GTSE1: variants seen among roughly 807,000 people sequenced by gnomAD.
The protein encoded by GTSE1 is G2 and S-phase expressed 1, also known as G2 and S phase-expressed protein 1.
A neutral mutation model predicts 60.5 loss-of-function variants in GTSE1; 52 were observed. The ratio of observed to expected loss-of-function variants is 0.86; its 90% CI spans 0.69 to 1.08. The LOEUF is 1.08. GTSE1 is among the 50% of genes least tolerant of loss of function. The pLI, the probability that GTSE1 is intolerant of heterozygous loss-of-function variation, is 0.00. For synonymous variants in GTSE1, 368 were observed against 386.5 expected, an observed-to-expected ratio of 0.95 and a Z score of 0.56; for missense variants, 937 against 961.8, an observed-to-expected ratio of 0.97 and a Z score of 0.34.
chr22:46,317,518 T>C lies in GTSE1; in HGVS notation c.1432+1106T>C, dbSNP rs560731847. ...GGGGTCTGTTTCGACTGACTAATTT[T>C]GTTTCCGGGTTTTGGCCTCATTTTC... On this transcript the variant is annotated intron_variant, in intron 7 of 11. Coordinates refer to ENST00000454366, the MANE Select transcript of GTSE1 (RefSeq NM_016426.7). The surrounding 1 kb of genome is among the most constrained non-coding windows in gnomAD (Gnocchi z 5.6). Among the ~76,000 whole-genome samples the C allele has an allele frequency of 3.3e-4, 51 of 152,346 alleles. No individual in the cohort carries two copies. The highest frequency in any genetic ancestry group is 1.1e-3 in the African/African-American group (47 of 41,570).
At chr22:46,307,136 G>GAC (rs568676151) in intron 2 of GTSE1, among the ~76,000 whole-genome samples, 45 of 152,344 alleles carry the variant, frequency 3.0e-4, no homozygotes, top group African/African-American at 1.0e-3. Context: ...GACCTGGGCA[G>GAC]ACAGGGCCAT....
At position 46,316,871 on chromosome 22, in the gene GTSE1, C is replaced by T. The variant is rs1179260812; in HGVS notation, c.1432+459C>T. Among the ~76,000 whole-genome samples the T allele has an allele frequency of 5.3e-5, 8 of 152,046 alleles. No homozygotes were observed. The highest frequency in any genetic ancestry group is 1.3e-4 in the Admixed American group (2 of 15,262). ...ATCACATCTATTTCAGGCCTCTTGA[C>T]GTTGTCTCACAGGACACCGAAGCTC... On this transcript the variant is annotated intron_variant, in intron 7 of 11. Coordinates refer to ENST00000454366, the MANE Select transcript of GTSE1 (RefSeq NM_016426.7). The surrounding 1 kb of genome is among the most constrained non-coding windows in gnomAD (Gnocchi z 5.0).
rs748886308 is a variant in GTSE1, at chr22:46,323,293, A to G, written c.1505+31A>G. 4 of 1,528,434 alleles carry G rather than the reference A, an allele frequency of 2.6e-6. No individual in the cohort carries two copies. In the East Asian group the frequency reaches 9.0e-5, roughly 34 times the overall value. The allele number at this position is 1,528,434 out of a possible 1,614,324, so 94.7% of individuals were successfully genotyped here. A position where few individuals can be genotyped will look rare whatever the true frequency, so the allele number is the denominator to read the frequency against. ...TGACGTTGGTCCGCTTCCTCTCTTT[A>G]TTGCTGTAGAATGACTCACGCATCT... On this transcript the variant is annotated intron_variant, in intron 8 of 11. Transcript: ENST00000454366.
Position 46,330,771 on chromosome 22 carries a change from T to A in GTSE1, c.*641T>A, listed in dbSNP as rs999430811. On this transcript the variant is annotated 3_prime_UTR_variant, in exon 12 of 12. Coordinates refer to ENST00000454366, the MANE Select transcript of GTSE1 (RefSeq NM_016426.7). The surrounding 1 kb of genome is among the most constrained non-coding windows in gnomAD (Gnocchi z 6.0). ...GTATAAATAGTTAGATATTCTAGAT[T>A]TACATTAAATTGTAAAATAAATGGA... is the stretch of plus-strand genomic sequence containing the variant. 1 of 152,400 alleles carries A rather than the reference T, an allele frequency of 6.6e-6. No homozygotes were observed. The highest frequency in any genetic ancestry group is 6.5e-5 in the Admixed American group (1 of 15,288). The allele number at this position is 152,400 out of a possible 1,614,324, so 9.4% of individuals were successfully genotyped here. A position where few individuals can be genotyped will look rare whatever the true frequency, so the allele number is the denominator to read the frequency against.
At position 46,312,815 on chromosome 22, in the gene GTSE1, T is replaced by C. The variant is rs547914020; in HGVS notation, c.927+510T>C. 5.9e-5 allele frequency among the ~76,000 whole-genome samples: 9 copies of C among 152,192 alleles called. No homozygotes were observed. In the South Asian group the frequency reaches 8.3e-4, roughly 14 times the overall value. Reference sequence around the variant, plus strand: ...CGGAGCCCCAGTTTGTAGGTGGGGATATTCCGTTTCCCTCATGTAGAGTTC... The same window carrying C: ...CGGAGCCCCAGTTTGTAGGTGGGGACATTCCGTTTCCCTCATGTAGAGTTC... On this transcript the variant is annotated intron_variant, in intron 5 of 11. Coordinates refer to ENST00000454366, the MANE Select transcript of GTSE1 (RefSeq NM_016426.7).
rs1399262902 is a variant in GTSE1 at position 46,321,660 on chromosome 22, A to G, written c.1433-1530A>G. On this transcript the variant is annotated intron_variant, in intron 7 of 11. Transcript: ENST00000454366. The surrounding 1 kb of genome is among the most constrained non-coding windows in gnomAD (Gnocchi z 4.0). The stretch of plus-strand genomic sequence containing the variant: ...AGAAATGAGTGAAGGGAGACATCGC[A>G]AGAAGCTTCCAGCACGCTGGAAGCA... Among the ~76,000 whole-genome samples, 1 of 152,220 alleles carries G rather than the reference A, an allele frequency of 6.6e-6. No individual in the cohort carries two copies. Among genetic ancestry groups the G allele is most frequent in the Non-Finnish European group, 1.5e-5 (1 of 68,042 alleles).
chr22:46,307,356 G>A (rs1473787267), intron 2 of GTSE1, among the ~76,000 whole-genome samples: 1 of 152,198 alleles, frequency 6.6e-6, no homozygotes, highest in Non-Finnish European at 1.5e-5. Flanking sequence ...GCTGAGGAAG[G>A]TGGTCTTTTG....
chr22:46,325,215 G>C (rs1471967460), intron 8 of GTSE1, among the ~76,000 whole-genome samples: 2 of 152,016 alleles, frequency 1.3e-5, no homozygotes, highest in African/African-American at 4.8e-5. Context: ...TATTTATTTT[G>C]AGATGGAGAC....
rs1394524746 is a variant in GTSE1, at chr22:46,308,514, C to T, written c.333C>T (p.His111=). The T allele has an allele frequency of 6.2e-7, 1 of 1,614,072 alleles. No homozygotes were observed. The highest frequency in any genetic ancestry group is 8.5e-7 in the Non-Finnish European group (1 of 1,180,026). Residue 111 remains histidine (H), a synonymous_variant, in exon 4 of 12, where the codon CAC becomes CAT. Transcript: ENST00000454366. ...AAGAAGCTCACTTACTGGCTTTACA[C>T]ATTGAGAGCAGCAGCCGGAACCAGG... ...VYKEAHLLAL[H]IESSSRNQAA...
Position 46,316,220 on chromosome 22 carries a change from C to A in GTSE1, c.1240C>A (p.Pro414Thr), listed in dbSNP as rs199850413. 4.8e-5 allele frequency: 77 copies of A among 1,613,652 alleles called. 2 individuals carry two copies. The South Asian group carries it at 6.7e-4, about 14-fold the overall frequency. ...GGCAGCGGAGCAGCTCACGGCACCC[C>A]CCTCAGCATCCCCCACCCAACCCCA... ...ELAAEQLTAP[P>T]SASPTQPQTP... The change falls in exon 7 of 12, where the codon CCC becomes ACC. Residue 414 changes from proline to threonine, a missense_variant. Pro to Thr is a conservative substitution (Grantham distance 38). Transcript: ENST00000454366. The surrounding 1 kb of genome is among the most constrained non-coding windows in gnomAD (Gnocchi z 5.0).
Position 46,308,963 on chromosome 22 carries a change from G to A in GTSE1, c.762+20G>A, listed in dbSNP as rs756897484. The A allele has an allele frequency of 5.7e-6, 9 of 1,587,790 alleles. No individual in the cohort carries two copies. The highest frequency in any genetic ancestry group is 6.9e-6 in the Non-Finnish European group (8 of 1,165,814). ...GAGAAGGTAAATGCCACAGCAGAGC[G>A]CCTGCCTGGGGAGCCCCCACTCCTT... On this transcript the variant is annotated intron_variant, in intron 4 of 11. Coordinates refer to ENST00000454366, the MANE Select transcript of GTSE1 (RefSeq NM_016426.7).
Position 46,329,691 on chromosome 22 carries a change from C to A in GTSE1, c.2136+124C>A. ...GCTGTTGAGTCTTCTCAGCTACACA[C>A]CTCAGGGCAGGATGCACCTTTGGCA... On this transcript the variant is annotated intron_variant, in intron 11 of 11. Transcript: ENST00000454366. This position sits in a 1 kb window ranked among gnomAD's most constrained non-coding sequence, Gnocchi z 6.4. The A allele has an allele frequency of 1.3e-6, 1 of 761,662 alleles. No individual in the cohort carries two copies. The highest frequency in any genetic ancestry group is 2.0e-5 in the Admixed American group (1 of 48,782). 47.2% of individuals were successfully genotyped at this position (761,662 alleles called of 1,614,324 possible).
In GTSE1 at chr22:46,324,955, G is replaced by A. The variant is rs891302892; in HGVS notation, c.1506-1481G>A. Among the ~76,000 whole-genome samples, 1 of 152,204 alleles carries A rather than the reference G, an allele frequency of 6.6e-6. No individual in the cohort carries two copies. Among genetic ancestry groups the A allele is most frequent in the African/African-American group, 2.4e-5 (1 of 41,442 alleles). On this transcript the variant is annotated intron_variant, in intron 8 of 11. Coordinates refer to ENST00000454366, the MANE Select transcript of GTSE1 (RefSeq NM_016426.7). The surrounding 1 kb of genome is among the most constrained non-coding windows in gnomAD (Gnocchi z 5.2). ...TCCCGAGGGGCCATGGTGGTGGGAT[G>A]TCCTTGACTCATTTTATTTTAAAAT... is the stretch of plus-strand genomic sequence containing the variant.
chr22:46,298,152 G>A (rs1212920009), intron 2 of GTSE1, among the ~76,000 whole-genome samples: 1 of 151,076 alleles, frequency 6.6e-6, no homozygotes, highest in East Asian at 1.9e-4. Context: ...TAACAGAGAC[G>A]GGGTTTTGCC....
intron 2 of GTSE1, 124 bp from the exon 3 acceptor site, chr22:46,308,026 C>A: frequency 2.8e-6 from 2 of 704,396 alleles, no homozygotes; most frequent in Admixed American, 2.5e-5. Context: ...AGCATCATGA[C>A]AGGATACACT....
rs1439452333 is a variant in GTSE1 at position 46,308,321 on chromosome 22, C to G, written c.140C>G (p.Ala47Gly). 3 of 1,611,720 alleles carry G rather than the reference C, an allele frequency of 1.9e-6. No individual in the cohort carries two copies. In the African/African-American group the frequency reaches 4.0e-5, roughly 22 times the overall value. ...TCATTCTTTTTTTAAACAAATAGTG[C>G]AAATGAAGATGATGAAGTCTTCTTC... The part of the protein sequence containing the change: ...DFDLSLSSSS[A>G]NEDDEVFFGP... Residue 47 changes from alanine (A) to glycine (G), a missense_variant and splice_region_variant, in exon 4 of 12, where the codon GCA (alanine) becomes GGA (glycine). Coordinates refer to ENST00000454366, the MANE Select transcript of GTSE1 (RefSeq NM_016426.7).
At position 46,313,688 on chromosome 22, in the gene GTSE1, T is replaced by C; in HGVS notation, c.928-202T>C. On this transcript the variant is annotated intron_variant, in intron 5 of 11. Transcript: ENST00000454366. This position sits in a 1 kb window ranked among gnomAD's most constrained non-coding sequence, Gnocchi z 4.4. ...CATGCCCAGCTAGTTTTTATATTTT[T>C]AGTAGAGACAAGGTTTCACCATATT... 6.6e-6 allele frequency among the ~76,000 whole-genome samples: 1 copy of C among 152,280 alleles called. No individual in the cohort carries two copies. Among genetic ancestry groups the C allele is most frequent in the African/African-American group, 2.4e-5 (1 of 41,558 alleles).
At position 46,308,676 on chromosome 22, in the gene GTSE1, A is replaced by G. The variant is rs763360056; in HGVS notation, c.495A>G (p.Thr165=). The G allele has an allele frequency of 1.2e-6, 2 of 1,614,006 alleles. No individual in the cohort carries two copies. Among genetic ancestry groups the G allele is most frequent in the Non-Finnish European group, 1.7e-6 (2 of 1,180,034 alleles). Residue 165 remains threonine, a synonymous_variant, in exon 4 of 12, where the codon ACA becomes ACG. Coordinates refer to ENST00000454366, the MANE Select transcript of GTSE1 (RefSeq NM_016426.7). ...KKSPTSLKRE[T]YYLSDSPLLG... is the part of the protein sequence containing the mutation. ...GCCCCACGTCTCTTAAAAGGGAGAC[A>G]TACTACCTGTCAGACAGCCCCTTGC...
rs142311252 is a variant in GTSE1 at position 46,324,396 on chromosome 22, C to G, written c.1505+1134C>G. On this transcript the variant is annotated intron_variant, in intron 8 of 11. Transcript: ENST00000454366. This position sits in a 1 kb window ranked among gnomAD's most constrained non-coding sequence, Gnocchi z 5.2. ...CTTTTCTTTTTTTTTGAGACAGAGT[C>G]TCACTCTGTCACCCAGGCTGGAGGG... is the stretch of plus-strand genomic sequence containing the variant. 6.6e-6 allele frequency among the ~76,000 whole-genome samples: 1 copy of G among 151,928 alleles called. No homozygotes were observed. The highest frequency in any genetic ancestry group is 1.9e-4 in the East Asian group (1 of 5,178).
Sources: allele counts gnomAD v4.1 joint callset (sites outside exome capture counted in the v4.1 genomes callset), GRCh38; gene constraint gnomAD v4.1.1; non-coding constraint Gnocchi (gnomAD v3.1); transcripts MANE v1.5; gene names NCBI Gene and HGNC (gene_info 2026-07-23, HGNC 2026-07-21).